MYO10: variants seen among roughly 807,000 people sequenced by gnomAD.
MYO10 encodes unconventional myosin-X.
Under a neutral mutation model 257.3 loss-of-function variants are expected in MYO10, and 133 were observed. The ratio of observed to expected loss-of-function variants is 0.52; its 90% confidence interval spans 0.45 to 0.60. The LOEUF is 0.60. Among genes scored for constraint, MYO10 ranks in the 20% least tolerant of loss-of-function variants. The probability of loss-of-function intolerance (pLI) is 0.00; values close to 1 mark genes in which losing one functional copy is unlikely to be tolerated. For synonymous variants in MYO10, 1,104 were observed against 1,028.6 expected, an observed-to-expected ratio of 1.07 and a Z score of -1.40; for missense variants, 2,399 against 2,635.7, an observed-to-expected ratio of 0.91 and a Z score of 1.97.
At chr5:16,895,923 G>A (rs1379284571) in intron 1 of MYO10, among the ~76,000 whole-genome samples, 3 of 152,164 alleles carry the variant, frequency 2.0e-5, no homozygotes, top group East Asian at 1.9e-4. Flanking sequence ...ACAGCAGGGC[G>A]GGGGCAGGGA....
intron 19 of MYO10, chr5:16,738,218 G>A: frequency 1.0e-6 from 1 of 985,318 alleles, no homozygotes; most frequent in Non-Finnish European, 1.2e-6. Flanking sequence ...CCGAGGCCAT[G>A]CCTACCTCCA....
chr5:16,853,163 G>A (rs1175724341), intron 2 of MYO10, among the ~76,000 whole-genome samples: 3 of 152,212 alleles, frequency 2.0e-5, no homozygotes, highest in Non-Finnish European at 4.4e-5. Flanking sequence ...ACAGTCAGGA[G>A]ATCGAGACCA....
At chr5:16,693,363 C>T (rs1161833998) in intron 27 of MYO10, among the ~76,000 whole-genome samples, 1 of 152,154 alleles carries the variant, frequency 6.6e-6, no homozygotes, top group African/African-American at 2.4e-5. Flanking sequence ...TGCTGTGAAC[C>T]CTTGCAGGAT....
chr5:16,728,420 C>T (rs1305446252), intron 19 of MYO10, among the ~76,000 whole-genome samples: 5 of 152,056 alleles, frequency 3.3e-5, no homozygotes, highest in African/African-American at 1.2e-4. Flanking sequence ...GCTCCCACCC[C>T]TCCAGCTCTT....
intron 19 of MYO10, among the ~76,000 whole-genome samples, chr5:16,734,274 CAT>C (rs972524447): frequency 7.9e-5 from 12 of 152,264 alleles, no homozygotes; most frequent in Admixed American, 3.3e-4. Flanking sequence ...ACATCTACCA[CAT>C]CTTTCGACTT....
At chr5:16,778,687 GGTTT>G (rs1351315164) in intron 9 of MYO10, among the ~76,000 whole-genome samples, 3 of 106,262 alleles carry the variant, frequency 2.8e-5, no homozygotes, top group Non-Finnish European at 5.5e-5. Flanking sequence ...GCTTTGCTGA[GGTTT>G]TTTTTTTTTT....
chr5:16,876,982 C>T (rs941460648), intron 2 of MYO10, among the ~76,000 whole-genome samples: 3 of 152,120 alleles, frequency 2.0e-5, no homozygotes, highest in African/African-American at 4.8e-5. Flanking sequence ...GGGATTAGTG[C>T]CCTTATAAAA....
chr5:16,828,903 C>T (rs1743082946), intron 2 of MYO10, among the ~76,000 whole-genome samples: 1 of 152,084 alleles, frequency 6.6e-6, no homozygotes, highest in Non-Finnish European at 1.5e-5. Context: ...GGTTTAATCT[C>T]ACTCATTTAT....
intron 1 of MYO10, 83 bp from the exon 2 acceptor site, chr5:16,877,790 T>C: frequency 1.0e-6 from 1 of 952,572 alleles, no homozygotes; most frequent in Non-Finnish European, 1.6e-6. Context: ...CCCTAACTCC[T>C]ATATTCCTTT....
At chr5:16,739,956 C>T (rs770207393) in intron 19 of MYO10, among the ~76,000 whole-genome samples, 2 of 151,908 alleles carry the variant, frequency 1.3e-5, no homozygotes, top group Non-Finnish European at 2.9e-5. Context: ...TATTCTTTGT[C>T]GCATATTTTT....
intron 2 of MYO10, among the ~76,000 whole-genome samples, chr5:16,819,664 T>C (rs935409258): frequency 6.6e-6 from 1 of 152,124 alleles, no homozygotes; most frequent in Non-Finnish European, 1.5e-5. Flanking sequence ...CAATCATATG[T>C]GTGGAATGTT....
intron 33 of MYO10, among the ~76,000 whole-genome samples, chr5:16,677,973 C>T (rs762029776): frequency 1.5e-4 from 23 of 151,842 alleles, no homozygotes; most frequent in Middle Eastern, 6.8e-3. Context: ...GTTGGCCAGG[C>T]TGGTCTCAAA....
chr5:16,665,027 AC>A lies in MYO10; in HGVS notation c.*1664del, dbSNP rs1195246425. ...AGACCAGCCTGGCCAACATGGTGAA[AC>A]CCCATCTCTACTAAAAATACAAAAC... On this transcript the variant is annotated 3_prime_UTR_variant, in exon 41 of 41. Coordinates refer to ENST00000513610, the MANE Select transcript of MYO10 (RefSeq NM_012334.3). 3.9e-5 allele frequency: 6 copies of A among 152,292 alleles called. No individual in the cohort carries two copies. The East Asian group carries it at 1.2e-3, about 29-fold the overall frequency. The allele number at this position is 152,292 out of a possible 1,614,324, so 9.4% of individuals were successfully genotyped here. A position where few individuals can be genotyped will look rare whatever the true frequency, so the allele number is the denominator to read the frequency against.
At chr5:16,812,315 A>G (rs57910467) in intron 3 of MYO10, among the ~76,000 whole-genome samples, 2,583 of 152,320 alleles carry the variant, frequency 0.017, 76 homozygotes, top group African/African-American at 0.059. Flanking sequence ...CAGCCAGCGC[A>G]GAGGGGCTCT....
intron 19 of MYO10, among the ~76,000 whole-genome samples, chr5:16,732,171 A>C (rs916485854): frequency 1.3e-5 from 2 of 152,174 alleles, no homozygotes; most frequent in Non-Finnish European, 2.9e-5. Flanking sequence ...GGATACTGCA[A>C]ATCAATTAAA....
At chr5:16,767,523 A>G (rs1039454899) in intron 10 of MYO10, among the ~76,000 whole-genome samples, 1 of 152,136 alleles carries the variant, frequency 6.6e-6, no homozygotes, top group Non-Finnish European at 1.5e-5. Context: ...GCAAAAAGAT[A>G]AGACAATGTG....
intron 2 of MYO10, among the ~76,000 whole-genome samples, chr5:16,823,763 C>T (rs575193355): frequency 1.4e-5 from 2 of 145,320 alleles, no homozygotes; most frequent in East Asian, 2.1e-4. Context: ...TGAGCCACTG[C>T]GCCTGGCTGG....
chr5:16,705,524 C>T (rs188513361), intron 21 of MYO10, among the ~76,000 whole-genome samples: 176 of 152,306 alleles, frequency 1.2e-3, no homozygotes, highest in Middle Eastern at 3.4e-3. Context: ...ATTTAATACA[C>T]GCATAAGAAA....
At chr5:16,813,183 G>C (rs1742493811) in intron 3 of MYO10, among the ~76,000 whole-genome samples, 1 of 152,052 alleles carries the variant, frequency 6.6e-6, no homozygotes, top group Middle Eastern at 3.2e-3. Context: ...ACGCCAGCAG[G>C]GGGAAAATGC....
Sources: allele counts gnomAD v4.1 joint callset (sites outside exome capture counted in the v4.1 genomes callset), GRCh38; gene constraint gnomAD v4.1.1; transcripts MANE v1.5; gene names NCBI Gene and HGNC (gene_info 2026-07-23, HGNC 2026-07-21).